Variants in C1orf87 observed in about 807,000 individuals in gnomAD.
C1orf87 encodes the protein chromosome 1 open reading frame 87.
A neutral mutation model predicts 60.5 loss-of-function variants in C1orf87; 58 were observed. That is an observed-to-expected ratio of 0.96 (90% CI 0.78 to 1.19). The LOEUF (loss-of-function observed/expected upper bound fraction) is 1.19, where lower values mean the gene tolerates loss of function less well. Among genes scored for constraint, C1orf87 ranks in the 50% most tolerant of loss-of-function variants. The pLI, the probability that C1orf87 is intolerant of heterozygous loss-of-function variation, is 0.00. For synonymous variants in C1orf87, 236 were observed against 227.4 expected (o/e 1.04, Z -0.34); for missense variants, 673 against 638.6 (o/e 1.05, Z -0.58).
At chr1:60,042,278 G>T (rs536256525) in intron 3 of C1orf87, among the ~76,000 whole-genome samples, 1 of 150,832 alleles carries the variant, frequency 6.6e-6, no homozygotes, top group Non-Finnish European at 1.5e-5. Context: ...TTTTTTACCC[G>T]GGCTGGAGTG....
chr1:60,032,432 GT>G (rs11376932), intron 7 of C1orf87, among the ~76,000 whole-genome samples: 428 of 88,564 alleles, frequency 4.8e-3, no homozygotes, highest in Middle Eastern at 0.018. Flanking sequence ...TGAGACTCAG[GT>G]TTTTTTTTTT....
chr1:60,056,686 A>G (rs1053130518), intron 2 of C1orf87, among the ~76,000 whole-genome samples: 1 of 152,198 alleles, frequency 6.6e-6, no homozygotes, highest in Non-Finnish European at 1.5e-5. Context: ...AGCGTATTAC[A>G]TTACACTCTA....
At chr1:59,997,919 G>A (rs1348346311) in intron 10 of C1orf87, 103 bp from the exon 11 acceptor site, 1 of 1,138,558 alleles carries the variant, frequency 8.8e-7, no homozygotes, top group Non-Finnish European at 1.2e-6. Context: ...TTATAGCAAG[G>A]TTTGAGTTTG....
intron 9 of C1orf87, among the ~76,000 whole-genome samples, chr1:60,003,289 G>A (rs1645020097): frequency 7.3e-6 from 1 of 136,440 alleles, no homozygotes; most frequent in East Asian, 2.3e-4. Context: ...CATGGACACA[G>A]GAAGGGGAAT....
chr1:60,028,106 TG>T (rs1645212727), intron 7 of C1orf87, among the ~76,000 whole-genome samples: 1 of 152,156 alleles, frequency 6.6e-6, no homozygotes, highest in Non-Finnish European at 1.5e-5. Context: ...GAGTGGAATG[TG>T]TATGAGTGGA....
At chr1:60,039,876 A>C in intron 5 of C1orf87, 41 bp downstream of exon 5, 1 of 1,577,754 alleles carries the variant, frequency 6.3e-7, no homozygotes, top group South Asian at 1.2e-5. Context: ...AAGTTAAGGA[A>C]ACAAAAGGAA....
At chr1:60,045,852 C>A (rs944367830) in intron 3 of C1orf87, among the ~76,000 whole-genome samples, 8 of 152,160 alleles carry the variant, frequency 5.3e-5, no homozygotes, top group Non-Finnish European at 1.2e-4. Context: ...GTTTGAGAAC[C>A]ACTGCCCCAA....
At chr1:60,011,324 G>C (rs1212618317) in intron 8 of C1orf87, among the ~76,000 whole-genome samples, 1 of 151,896 alleles carries the variant, frequency 6.6e-6, no homozygotes, top group Admixed American at 6.6e-5. Context: ...GTTTCCTTTT[G>C]AATACAGTAT....
intron 9 of C1orf87, among the ~76,000 whole-genome samples, chr1:60,005,351 G>T (rs546305325): frequency 6.6e-6 from 1 of 152,182 alleles, no homozygotes; most frequent in Non-Finnish European, 1.5e-5. Flanking sequence ...CTATAGGACA[G>T]AATCTTTGCT....
At chr1:60,032,956 C>T (rs186818872) in intron 7 of C1orf87, among the ~76,000 whole-genome samples, 32 of 152,178 alleles carry the variant, frequency 2.1e-4, no homozygotes, top group Non-Finnish European at 4.3e-4. Context: ...TCCAAAGAAG[C>T]CTTATGATGG....
chr1:60,052,947 G>T (rs1034447038), intron 3 of C1orf87, among the ~76,000 whole-genome samples: 6 of 152,216 alleles, frequency 3.9e-5, no homozygotes, highest in Non-Finnish European at 8.8e-5. Context: ...GGCCTTCCTT[G>T]TTTGGTGGCA....
chr1:60,039,923 AG>A lies in C1orf87; in HGVS notation c.740del (p.Pro247LeufsTer4), dbSNP rs1404383017. 6.2e-7 allele frequency: 1 copy of A among 1,613,310 alleles called. No individual in the cohort carries two copies. On this transcript the variant is annotated frameshift_variant, in exon 5 of 12. Coordinates refer to ENST00000371201, the MANE Select transcript of C1orf87 (RefSeq NM_152377.3). LOFTEE classifies it high-confidence loss of function. ...LCQRFSKRGS[P>X]EMVNYEKLLW... ...AATAGTACAATTGCCATACCATTTC[AG>A]GAGAACCCCTCTTAGAAAATCTCTG...
At chr1:60,070,305 T>G (rs1645575838) in intron 2 of C1orf87, among the ~76,000 whole-genome samples, 1 of 152,202 alleles carries the variant, frequency 6.6e-6, no homozygotes, top group African/African-American at 2.4e-5. Context: ...TTTCTATCCA[T>G]TATTGATCCA....
chr1:60,065,067 T>TA (rs1457416827), intron 2 of C1orf87, among the ~76,000 whole-genome samples: 3 of 107,906 alleles, frequency 2.8e-5, no homozygotes, highest in Admixed American at 1.2e-4. Flanking sequence ...ATATATTATT[T>TA]ATATATATCT....
intron 9 of C1orf87, chr1:60,008,674 A>G (rs1353443532): frequency 2.2e-6 from 1 of 456,158 alleles, no homozygotes; most frequent in Non-Finnish European, 4.4e-6. Flanking sequence ...TACTGCTATA[A>G]TGTTTTTCAG....
rs116949225 is a variant in C1orf87 at position 60,020,690 on chromosome 1, T to C, written c.1127+4711A>G. ...TTGGAAGTAAGTGACTTGTTTTTGA[T>C]TTTACAGGCTCATAGGTAAAAGGGA... On this transcript the variant is annotated intron_variant, in intron 8 of 11. Coordinates refer to ENST00000371201, the MANE Select transcript of C1orf87 (RefSeq NM_152377.3). Among the ~76,000 whole-genome samples the C allele has an allele frequency of 7.8e-4, 119 of 152,318 alleles. 1 individual carries two copies. In the East Asian group the frequency reaches 0.023, roughly 29 times the overall value.
rs753898419 is a variant in C1orf87 at position 60,001,063 on chromosome 1, C to A, written c.1272+14G>T. On this transcript the variant is annotated intron_variant, in intron 10 of 11. Transcript: ENST00000371201. ...AAAACCTTCCCCCAAACTCTATATA[C>A]CCCAGGTGCATACCATATGTTCAGT... 1.9e-6 allele frequency: 3 copies of A among 1,601,354 alleles called. No individual in the cohort carries two copies. The highest frequency in any genetic ancestry group is 2.2e-5 in the East Asian group (1 of 44,558).
chr1:60,046,082 T>G (rs535803544), intron 3 of C1orf87, among the ~76,000 whole-genome samples: 15 of 151,938 alleles, frequency 9.9e-5, no homozygotes, highest in African/African-American at 3.6e-4. Context: ...CCTTCCTTCC[T>G]TCCTGCTTTT....
At chr1:59,994,003 C>T (rs1644945766) in intron 11 of C1orf87, among the ~76,000 whole-genome samples, 1 of 152,154 alleles carries the variant, frequency 6.6e-6, no homozygotes, top group East Asian at 1.9e-4. Flanking sequence ...AGGTGATCCA[C>T]CTGCCTTGGC....
Sources: allele counts gnomAD v4.1 joint callset (sites outside exome capture counted in the v4.1 genomes callset), GRCh38; gene constraint gnomAD v4.1.1; transcripts MANE v1.5; gene names NCBI Gene and HGNC (gene_info 2026-07-23, HGNC 2026-07-21).